The following ADNP2 variants were observed in gnomAD, a reference collection of about 807,000 sequenced individuals.
The protein encoded by ADNP2 is activity-dependent neuroprotector homeobox protein 2.
ADNP2 carries 8 observed loss-of-function variants against 16.4 expected under a neutral mutation model. The observed-to-expected ratio is 0.49, with a 90% CI of 0.29 to 0.88. The LOEUF is 0.88. Ranked by LOEUF, ADNP2 falls within the 40% of genes least tolerant of loss-of-function variation. The pLI, the probability that ADNP2 is intolerant of heterozygous loss-of-function variation, is 0.09. For synonymous variants in ADNP2, 637 were observed against 545.8 expected, an observed-to-expected ratio of 1.17 and a Z score of -2.33; for missense variants, 1,397 against 1,395.1, an observed-to-expected ratio of 1.00 and a Z score of -0.02.
intron 2 of ADNP2, among the ~76,000 whole-genome samples, chr18:80,126,578 CTT>C (rs2052460506): frequency 6.6e-6 from 1 of 152,044 alleles, no homozygotes; most frequent in Non-Finnish European, 1.5e-5. Context: ...AGATTTCACT[CTT>C]GTCTTCTGGC....
In ADNP2 at chr18:80,139,119, TAAG is replaced by T. The variant is rs1409998643; in HGVS notation, c.*313_*315del. The T allele has an allele frequency of 8.5e-6, 2 of 234,866 alleles. No individual in the cohort carries two copies. Among genetic ancestry groups the T allele is most frequent in the Non-Finnish European group, 1.6e-5 (2 of 122,972 alleles). 14.5% of individuals were successfully genotyped at this position (234,866 alleles called of 1,614,324 possible). ...TCCCACTAGTGTCAGTATCGTATGA[TAAG>T]AAACTGAAATCTATAAATAATTTGC... On this transcript the variant is annotated 3_prime_UTR_variant, in exon 4 of 4. Transcript: ENST00000262198.
At chr18:80,113,030 C>T (rs1489416718) in intron 1 of ADNP2, among the ~76,000 whole-genome samples, 2 of 152,238 alleles carry the variant, frequency 1.3e-5, no homozygotes, top group South Asian at 2.1e-4. Flanking sequence ...ACAAAATTTT[C>T]GTTGAGTTTT....
intron 2 of ADNP2, among the ~76,000 whole-genome samples, chr18:80,126,352 T>A (rs1370255578): frequency 1.3e-5 from 2 of 152,194 alleles, no homozygotes; most frequent in African/African-American, 4.8e-5. Context: ...ATTATATTGA[T>A]CTACATGTCA....
Position 80,116,447 on chromosome 18 carries a change from T to C in ADNP2, c.-13-1083T>C, listed in dbSNP as rs115398523. Among the ~76,000 whole-genome samples the C allele has an allele frequency of 7.5e-3, 1,148 of 152,344 alleles. 20 individuals carry two copies. The highest frequency in any genetic ancestry group is 0.026 in the African/African-American group (1,094 of 41,572). ...TTAATCTTTTGTGGGACAGCCAGAC[T>C]GTTTTCAGGCACACATGAAGACTGG... is the stretch of plus-strand genomic sequence containing the variant. On this transcript the variant is annotated intron_variant, in intron 1 of 3. Transcript: ENST00000262198.
At chr18:80,115,710 T>G (rs1171099304) in intron 1 of ADNP2, among the ~76,000 whole-genome samples, 7 of 152,192 alleles carry the variant, frequency 4.6e-5, no homozygotes, top group Non-Finnish European at 1.5e-5. Flanking sequence ...TCACCACAGT[T>G]GAGTTCAGAA....
intron 2 of ADNP2, among the ~76,000 whole-genome samples, chr18:80,125,830 A>T (rs1226540949): frequency 6.6e-6 from 1 of 152,152 alleles, no homozygotes; most frequent in Non-Finnish European, 1.5e-5. Flanking sequence ...TTTTTTAATT[A>T]AAAGAAGTTT....
At chr18:80,134,424 A>T (rs2052519012) in intron 3 of ADNP2, among the ~76,000 whole-genome samples, 1 of 150,248 alleles carries the variant, frequency 6.7e-6, no homozygotes, top group South Asian at 2.1e-4. Context: ...TGTGTGAGAG[A>T]GAGTGATAAT....
chr18:80,136,737 C>G lies in ADNP2; in HGVS notation c.1324C>G (p.Arg442Gly), dbSNP rs757754593. 12 of 1,612,836 alleles carry G rather than the reference C, an allele frequency of 7.4e-6. No individual in the cohort carries two copies. Among genetic ancestry groups the G allele is most frequent in the African/African-American group, 2.7e-5 (2 of 74,824 alleles). ...CTCGCCAGGGGTGCTTTCTGTGAGTCGGGCGGTCCCGTCTGGAGTCCTTCC... is the reference window on the plus strand; with the variant it reads ...CTCGCCAGGGGTGCTTTCTGTGAGTGGGGCGGTCCCGTCTGGAGTCCTTCC... The part of the protein sequence containing the change: ...AVSPGVLSVS[R>G]AVPSGVLPAG... Residue 442 changes from arginine to glycine, a missense_variant, in exon 4 of 4, where the codon CGG becomes GGG. Physicochemically the swap from Arg to Gly is moderately radical, Grantham distance 125. Transcript: ENST00000262198.
At chr18:80,112,093 G>A (rs1914969) in intron 1 of ADNP2, among the ~76,000 whole-genome samples, 2 of 151,988 alleles carry the variant, frequency 1.3e-5, no homozygotes, top group African/African-American at 4.8e-5. Context: ...TTAGCCTGCT[G>A]TTTTCTAATG....
Position 80,138,305 on chromosome 18 carries a change from C to T in ADNP2, c.2892C>T (p.Val964=). 2 of 1,614,098 alleles carry T rather than the reference C, an allele frequency of 1.2e-6. No homozygotes were observed. The highest frequency in any genetic ancestry group is 1.7e-6 in the Non-Finnish European group (2 of 1,180,030). ...TTCACAACAGTGAACTGCTTTTAGT[C>T]AGTGGTGAAGTGATGCATGATTCCA... ...GFIHNSELLL[V]SGEVMHDSSF... is the part of the protein sequence containing the mutation. Residue 964 remains valine, a synonymous_variant, in exon 4 of 4, where the codon GTC becomes GTT. Coordinates refer to ENST00000262198, the MANE Select transcript of ADNP2 (RefSeq NM_014913.4).
intron 1 of ADNP2, among the ~76,000 whole-genome samples, chr18:80,112,720 A>G (rs996601958): frequency 7.2e-5 from 11 of 152,204 alleles, no homozygotes; most frequent in Admixed American, 5.9e-4. Context: ...TGTATGTACA[A>G]CCATGCTTAC....
chr18:80,125,652 A>AT (rs2052453619), intron 2 of ADNP2, among the ~76,000 whole-genome samples: 3 of 151,914 alleles, frequency 2.0e-5, no homozygotes, highest in African/African-American at 7.2e-5. Context: ...CAAAAAAAAA[A>AT]TAAAAAAAAA....
In ADNP2 at chr18:80,137,718, G is replaced by T; in HGVS notation, c.2305G>T (p.Gly769Cys). The T allele has an allele frequency of 6.2e-7, 1 of 1,614,130 alleles. No individual in the cohort carries two copies. The highest frequency in any genetic ancestry group is 1.1e-5 in the South Asian group (1 of 91,076). ...EELIHHLLMH[G>C]LGCLFCPCTF... ...GCTTATACACCACTTGCTGATGCAT[G>T]GCTTGGGGTGCTTGTTCTGTCCATG... The change falls in exon 4 of 4, where the codon GGC (glycine) becomes TGC (cysteine). Residue 769 changes from glycine (G) to cysteine (C), a missense_variant. Physicochemically the swap from Gly to Cys is radical, Grantham distance 159. Coordinates refer to ENST00000262198, the MANE Select transcript of ADNP2 (RefSeq NM_014913.4). The surrounding 1 kb of genome is among the most constrained non-coding windows in gnomAD (Gnocchi z 4.2).
chr18:80,129,222 G>C (rs542396031), intron 2 of ADNP2, among the ~76,000 whole-genome samples: 36 of 150,580 alleles, frequency 2.4e-4, no homozygotes, highest in Admixed American at 2.3e-3. Flanking sequence ...TCCTGCCTCA[G>C]CCTCCCATGT....
rs755507497 is a variant in ADNP2 at position 80,137,320 on chromosome 18, C to A, written c.1907C>A (p.Pro636Gln). 13 of 1,613,844 alleles carry A rather than the reference C, an allele frequency of 8.1e-6. No homozygotes were observed. The highest frequency in any genetic ancestry group is 3.3e-4 in the Middle Eastern group (2 of 6,082). ...VPPGGLATVA[P>Q]PQMPIQLLPS... ...CCTGGAGGCCTTGCGACTGTCGCTCCGCCCCAGATGCCCATCCAGCTCCTG... is the reference window on the plus strand; with the variant it reads ...CCTGGAGGCCTTGCGACTGTCGCTCAGCCCCAGATGCCCATCCAGCTCCTG... The change falls in exon 4 of 4, where the codon CCG (proline) becomes CAG (glutamine). Residue 636 changes from proline to glutamine, a missense_variant. Physicochemically the swap from Pro to Gln is moderately conservative, Grantham distance 76. This residue lies in a region of ADNP2 where 611 missense variants were observed against 648.7 expected (regional missense o/e 0.94). Coordinates refer to ENST00000262198, the MANE Select transcript of ADNP2 (RefSeq NM_014913.4). The surrounding 1 kb of genome is among the most constrained non-coding windows in gnomAD (Gnocchi z 4.2).
At chr18:80,129,306 G>A (rs1322061452) in intron 2 of ADNP2, among the ~76,000 whole-genome samples, 1 of 151,852 alleles carries the variant, frequency 6.6e-6, no homozygotes, top group Non-Finnish European at 1.5e-5. Context: ...GTTTCACCAT[G>A]TGGCCAGGCT....
rs1006533807 is a variant in ADNP2 at position 80,136,977 on chromosome 18, C to G, written c.1564C>G (p.Pro522Ala). 4 of 1,613,808 alleles carry G rather than the reference C, an allele frequency of 2.5e-6. No individual in the cohort carries two copies. In the African/African-American group the frequency reaches 5.3e-5, roughly 22 times the overall value. ...GQVVPSGLLS[P>A]NQTVSSSAVV... ...GGTGGTCCCGTCTGGGCTTCTTTCTCCCAACCAGACAGTCTCCTCCTCAGC... is the reference window on the plus strand; with the variant it reads ...GGTGGTCCCGTCTGGGCTTCTTTCTGCCAACCAGACAGTCTCCTCCTCAGC... Residue 522 changes from proline to alanine, a missense_variant, in exon 4 of 4, where the codon CCC becomes GCC. Physicochemically the swap from Pro to Ala is conservative, Grantham distance 27. This residue lies in a region of ADNP2 where 777 missense variants were observed against 719.4 expected (regional missense o/e 1.08). Coordinates refer to ENST00000262198, the MANE Select transcript of ADNP2 (RefSeq NM_014913.4).
Position 80,136,341 on chromosome 18 carries a change from A to C in ADNP2, c.928A>C (p.Thr310Pro), listed in dbSNP as rs780805318. ...AAGCCCAGCCGCAGGACAGCCAGTG[A>C]CTGTGGCCCAGGGTGCCCCTGGAAG... The part of the protein sequence containing the change: ...SPSPAAGQPV[T>P]VAQGAPGSLT... The change falls in exon 4 of 4, where the codon ACT (threonine) becomes CCT (proline). Residue 310 changes from threonine (T) to proline (P), a missense_variant. By Grantham distance (38) the Thr-to-Pro change is conservative (BLOSUM62 -1). This residue lies in a region of ADNP2 where 777 missense variants were observed against 719.4 expected (regional missense o/e 1.08). Transcript: ENST00000262198. 2 of 1,614,070 alleles carry C rather than the reference A, an allele frequency of 1.2e-6. No individual in the cohort carries two copies. Among genetic ancestry groups the C allele is most frequent in the Non-Finnish European group, 1.7e-6 (2 of 1,180,036 alleles).
intron 2 of ADNP2, among the ~76,000 whole-genome samples, chr18:80,127,536 C>T (rs907073727): frequency 1.3e-5 from 2 of 152,048 alleles, no homozygotes; most frequent in Non-Finnish European, 2.9e-5. Flanking sequence ...TTTCACTTCT[C>T]TCGTTGCGTT....
Sources: allele counts gnomAD v4.1 joint callset (sites outside exome capture counted in the v4.1 genomes callset), GRCh38; gene constraint gnomAD v4.1.1; regional missense constraint gnomAD v4.1.1; non-coding constraint Gnocchi (gnomAD v3.1); transcripts MANE v1.5; gene names NCBI Gene and HGNC (gene_info 2026-07-23, HGNC 2026-07-21).